The following TAFA1 variants were observed in gnomAD, a reference collection of about 807,000 sequenced individuals.
TAFA1 encodes chemokine-like protein TAFA-1.
In TAFA1, 4 loss-of-function variants were observed where a neutral mutation model predicts 18.5. The ratio of observed to expected loss-of-function variants is 0.22; its 90% CI spans 0.11 to 0.49. The LOEUF (loss-of-function observed/expected upper bound fraction) is 0.49, where lower values mean the gene tolerates loss of function less well. Ranked by LOEUF, TAFA1 falls within the 20% of genes least tolerant of loss-of-function variation. The pLI is 0.98. For synonymous variants in TAFA1, 56 were observed against 55.2 expected (o/e 1.01, Z -0.06); for missense variants, 147 against 169.0 (o/e 0.87, Z 0.72).
chr3:68,002,648 A>C (rs1243316875), upstream of TAFA1, among the ~76,000 whole-genome samples: 1 of 152,230 alleles, frequency 6.6e-6, no homozygotes, highest in Non-Finnish European at 1.5e-5. Flanking sequence ...ATGTTAAAGA[A>C]ATAAGAAAAT....
Position 68,006,436 on chromosome 3 carries a change from T to C in TAFA1, c.-3-188T>C, listed in dbSNP as rs149641608. ...TGCAGAATTAAGAAAAAAATGAATG[T>C]ATGATCATCTGAAAAGGGCTTTCTC... On this transcript the variant is annotated intron_variant, in intron 1 of 4. Transcript: ENST00000478136. 6.4e-4 allele frequency: 351 copies of C among 548,700 alleles called. 3 individuals are homozygous for C. The East Asian group carries it at 8.4e-3, about 13-fold the overall frequency. 34.0% of individuals were successfully genotyped at this position (548,700 alleles called of 1,614,324 possible).
chr3:68,334,196 G>T (rs574901323), intron 2 of TAFA1, among the ~76,000 whole-genome samples: 2 of 152,178 alleles, frequency 1.3e-5, no homozygotes, highest in African/African-American at 4.8e-5. Flanking sequence ...TAATCAGCTT[G>T]ATTGTGGTAA....
At chr3:68,338,053 G>C (rs908675244) in intron 2 of TAFA1, among the ~76,000 whole-genome samples, 2 of 152,134 alleles carry the variant, frequency 1.3e-5, no homozygotes, top group Non-Finnish European at 2.9e-5. Context: ...TAAAGATGTG[G>C]GTATTTGTTT....
intron 2 of TAFA1, among the ~76,000 whole-genome samples, chr3:68,203,467 A>T (rs2066490604): frequency 6.6e-6 from 1 of 151,564 alleles, no homozygotes; most frequent in Admixed American, 6.6e-5. Flanking sequence ...ATGCCTTGTA[A>T]TTTTTGCTTG....
chr3:68,495,605 C>T (rs146136272), intron 3 of TAFA1, among the ~76,000 whole-genome samples: 512 of 152,134 alleles, frequency 3.4e-3, no homozygotes, highest in Non-Finnish European at 5.4e-3. Flanking sequence ...ATACAAGATG[C>T]GTGGATCAAG....
intron 2 of TAFA1, among the ~76,000 whole-genome samples, chr3:68,065,395 T>C (rs2064660146): frequency 6.6e-6 from 1 of 152,158 alleles, no homozygotes; most frequent in African/African-American, 2.4e-5. Flanking sequence ...AGCATCTTGC[T>C]GTGACGGGCA....
At chr3:68,375,752 A>G (rs2069798825) in intron 2 of TAFA1, among the ~76,000 whole-genome samples, 1 of 152,310 alleles carries the variant, frequency 6.6e-6, no homozygotes, top group South Asian at 2.1e-4. Context: ...GTTTACATAC[A>G]CAAGTGATTC....
chr3:68,236,261 C>G (rs936793405), intron 2 of TAFA1, among the ~76,000 whole-genome samples: 1 of 152,126 alleles, frequency 6.6e-6, no homozygotes. Context: ...CCAAGGCATG[C>G]TAGGTAATAT....
chr3:68,305,859 C>A (rs1559609207), intron 2 of TAFA1, among the ~76,000 whole-genome samples: 1 of 152,124 alleles, frequency 6.6e-6, no homozygotes, highest in African/African-American at 2.4e-5. Context: ...TTTGGTGACT[C>A]CACACCTCAT....
intron 2 of TAFA1, among the ~76,000 whole-genome samples, chr3:68,380,615 T>A (rs2069927414): frequency 6.6e-6 from 1 of 152,194 alleles, no homozygotes; most frequent in African/African-American, 2.4e-5. Context: ...TTGATAGGGT[T>A]GTTTGTTTTT....
chr3:68,204,508 T>TGAGG (rs1252571342), intron 2 of TAFA1, among the ~76,000 whole-genome samples: 4 of 149,026 alleles, frequency 2.7e-5, no homozygotes, highest in South Asian at 2.2e-4. Context: ...AGTTGTGTCC[T>TGAGG]GAGGGAGGGA....
chr3:68,517,837 C>A (rs895327322), intron 3 of TAFA1, among the ~76,000 whole-genome samples: 12 of 151,990 alleles, frequency 7.9e-5, no homozygotes, highest in African/African-American at 2.7e-4. Flanking sequence ...TTGTATAAGG[C>A]CTAGTTAATT....
chr3:68,292,427 A>C (rs1448779019), intron 2 of TAFA1, among the ~76,000 whole-genome samples: 2 of 151,394 alleles, frequency 1.3e-5, no homozygotes, highest in Non-Finnish European at 2.9e-5. Context: ...AAAAAAACAA[A>C]AAAAAAAACC....
chr3:68,434,552 TAAAG>T (rs1012152406), intron 3 of TAFA1, among the ~76,000 whole-genome samples: 17 of 152,030 alleles, frequency 1.1e-4, no homozygotes, highest in African/African-American at 3.6e-4. Flanking sequence ...GATACAAAAA[TAAAG>T]AAGACCTCAA....
At chr3:68,263,223 G>T (rs1332559061) in intron 2 of TAFA1, among the ~76,000 whole-genome samples, 2 of 152,014 alleles carry the variant, frequency 1.3e-5, no homozygotes, top group Admixed American at 6.6e-5. Flanking sequence ...ATTGGTAAAA[G>T]TATACTTCTA....
chr3:68,459,886 T>TA (rs2106919046), intron 3 of TAFA1, among the ~76,000 whole-genome samples: 1 of 152,382 alleles, frequency 6.6e-6, no homozygotes, highest in South Asian at 2.1e-4. Context: ...TTGTGCTTTT[T>TA]ACCCTTAAAC....
At chr3:68,471,368 A>G (rs1290316865) in intron 3 of TAFA1, among the ~76,000 whole-genome samples, 2 of 152,130 alleles carry the variant, frequency 1.3e-5, no homozygotes, top group Non-Finnish European at 2.9e-5. Flanking sequence ...TCAGACCCCA[A>G]AATGGTAGAT....
intron 2 of TAFA1, among the ~76,000 whole-genome samples, chr3:68,392,904 G>A (rs1286928869): frequency 6.6e-6 from 1 of 151,926 alleles, no homozygotes; most frequent in African/African-American, 2.4e-5. Context: ...TGAGAAAGTG[G>A]GAAAGATCTA....
chr3:68,147,391 A>G (rs1412774945), intron 2 of TAFA1, among the ~76,000 whole-genome samples: 1 of 151,882 alleles, frequency 6.6e-6, no homozygotes, highest in Non-Finnish European at 1.5e-5. Context: ...AAGGCTGCAA[A>G]ATATCCCCCC....
Sources: allele counts gnomAD v4.1 joint callset (sites outside exome capture counted in the v4.1 genomes callset), GRCh38; gene constraint gnomAD v4.1.1; transcripts MANE v1.5; gene names NCBI Gene and HGNC (gene_info 2026-07-23, HGNC 2026-07-21).